The following SPTLC1 variants were observed in gnomAD, a reference collection of about 807,000 sequenced individuals.
SPTLC1 encodes the protein serine palmitoyltransferase 1.
In SPTLC1, 55 loss-of-function variants were observed where a neutral mutation model predicts 68.9. That is an observed-to-expected ratio of 0.80 (90% confidence interval 0.64 to 1.00). The LOEUF is 1.00. SPTLC1 is among the 50% of genes least tolerant of loss of function. The probability of loss-of-function intolerance (pLI) is 0.00; values close to 1 mark genes in which losing one functional copy is unlikely to be tolerated. For missense variants in SPTLC1, 449 were observed against 573.1 expected, an observed-to-expected ratio of 0.78 and a Z score of 2.21; for synonymous variants, 197 against 201.6, an observed-to-expected ratio of 0.98 and a Z score of 0.19.
rs922617056 is a variant in SPTLC1, at chr9:92,079,281, G to C, written c.427+735C>G. 2.4e-5 allele frequency: 18 copies of C among 746,432 alleles called. No homozygotes were observed. In the Admixed American group the frequency reaches 2.4e-4, roughly 10 times the overall value. The allele number at this position is 746,432 out of a possible 1,614,324, so 46.2% of individuals were successfully genotyped here. On this transcript the variant is annotated intron_variant, in intron 5 of 14. Transcript: ENST00000262554. Reference sequence around the variant, plus strand: ...AGTAGAGACGAGGTTTCAGCATGTTGGCCAGGCTGGTTTTGAACTCCTGAC... The same window carrying C: ...AGTAGAGACGAGGTTTCAGCATGTTCGCCAGGCTGGTTTTGAACTCCTGAC...
chr9:92,079,623 G>T, intron 5 of SPTLC1: 1 of 1,452,136 alleles, frequency 6.9e-7, no homozygotes, highest in Non-Finnish European at 9.7e-7. Flanking sequence ...CAGGCAATCT[G>T]CTCTCCACTT....
intron 3 of SPTLC1, chr9:92,104,620 G>C: frequency 6.7e-7 from 1 of 1,484,008 alleles, no homozygotes; most frequent in Middle Eastern, 1.7e-4. Flanking sequence ...TAGATGAGCA[G>C]GTGATCCCAG....
At chr9:92,114,822 T>G (rs918884638) in intron 1 of SPTLC1, 15 of 169,138 alleles carry the variant, frequency 8.9e-5, no homozygotes, top group Non-Finnish European at 1.7e-4. Context: ...CGCAGAAGAA[T>G]GACAAACTAT....
chr9:92,082,671 G>C (rs575663133), intron 3 of SPTLC1, among the ~76,000 whole-genome samples: 37 of 152,098 alleles, frequency 2.4e-4, no homozygotes, highest in Middle Eastern at 3.4e-3. Context: ...CCAAGTCTTT[G>C]CTATTGTGAA....
intron 6 of SPTLC1, among the ~76,000 whole-genome samples, chr9:92,059,748 C>G (rs191855547): frequency 7.4e-4 from 112 of 152,282 alleles, no homozygotes; most frequent in African/African-American, 2.6e-3. Context: ...AATGACTATT[C>G]TACTGTAGCC....
intron 1 of SPTLC1, among the ~76,000 whole-genome samples, 191 bp from the exon 2 acceptor site, chr9:92,112,753 G>A (rs1169659437): frequency 1.3e-5 from 2 of 152,032 alleles, no homozygotes; most frequent in African/African-American, 4.8e-5. Flanking sequence ...TCCCTCACAT[G>A]AAAAACCCCT....
At chr9:92,106,472 C>CA (rs34928872) in intron 3 of SPTLC1, among the ~76,000 whole-genome samples, 12,681 of 68,138 alleles carry the variant, frequency 0.19, 2,136 homozygotes, top group African/African-American at 0.47. Flanking sequence ...GACTCCGTCT[C>CA]AAAAAAAAAA....
chr9:92,054,919 A>G (rs1833832697), intron 8 of SPTLC1, among the ~76,000 whole-genome samples: 1 of 151,666 alleles, frequency 6.6e-6, no homozygotes, highest in African/African-American at 2.4e-5. Context: ...GCGGGGGAGA[A>G]AAAAAAAGCT....
chr9:92,061,724 CA>C (rs1253717630), intron 6 of SPTLC1, among the ~76,000 whole-genome samples: 2 of 151,774 alleles, frequency 1.3e-5, no homozygotes, highest in East Asian at 1.9e-4. Context: ...GTAAATGAGG[CA>C]AATAAAGGAA....
intron 3 of SPTLC1, among the ~76,000 whole-genome samples, chr9:92,087,629 C>T (rs565082992): frequency 4.4e-4 from 67 of 152,274 alleles, no homozygotes; most frequent in Middle Eastern, 3.4e-3. Flanking sequence ...AGTACCCAGC[C>T]GTGTGAGGTG....
chr9:92,115,208 T>C (rs1240905863), intron 1 of SPTLC1, 106 bp downstream of exon 1: 3 of 1,118,626 alleles, frequency 2.7e-6, no homozygotes, highest in Non-Finnish European at 4.0e-6. Flanking sequence ...AGTCTGGGCG[T>C]GACCGAGCCA....
intron 14 of SPTLC1, among the ~76,000 whole-genome samples, chr9:92,033,093 C>T (rs1404961472): frequency 2.0e-5 from 3 of 152,124 alleles, no homozygotes; most frequent in Non-Finnish European, 2.9e-5. Flanking sequence ...TGGGTTGCTG[C>T]GGCAGGGAAT....
chr9:92,055,549 C>CAGA (rs1246652556), intron 7 of SPTLC1, 55 bp from the exon 8 acceptor site: 4 of 1,536,898 alleles, frequency 2.6e-6, no homozygotes, highest in Non-Finnish European at 3.6e-6. Context: ...AAGACAAGAT[C>CAGA]TGTTACATAT....
At chr9:92,106,760 T>C (rs1461520879) in intron 3 of SPTLC1, among the ~76,000 whole-genome samples, 3 of 152,168 alleles carry the variant, frequency 2.0e-5, no homozygotes, top group Non-Finnish European at 2.9e-5. Flanking sequence ...TTCCACCTAA[T>C]GAGAAAGGAG....
At chr9:92,052,134 C>T (rs933958116) in intron 8 of SPTLC1, among the ~76,000 whole-genome samples, 1 of 152,148 alleles carries the variant, frequency 6.6e-6, no homozygotes, top group East Asian at 1.9e-4. Context: ...CCCCAAATAG[C>T]TAAAATAATT....
At chr9:92,112,362 C>T (rs1183486285) in intron 2 of SPTLC1, 93 bp downstream of exon 2, 5 of 879,282 alleles carry the variant, frequency 5.7e-6, no homozygotes, top group Non-Finnish European at 9.4e-6. Context: ...AATGCTTTAA[C>T]ACACATGGTT....
chr9:92,047,785 T>C (rs763251115), intron 9 of SPTLC1, 77 bp from the exon 10 acceptor site: 5 of 902,018 alleles, frequency 5.5e-6, no homozygotes, highest in South Asian at 2.8e-5. Flanking sequence ...AGAGACAAAA[T>C]TTAACAGCAT....
At chr9:92,088,553 A>G (rs1013852657) in intron 3 of SPTLC1, among the ~76,000 whole-genome samples, 1 of 152,246 alleles carries the variant, frequency 6.6e-6, no homozygotes, top group Non-Finnish European at 1.5e-5. Context: ...AAGATTAAAA[A>G]CAAAAAACAA....
At chr9:92,059,399 A>G (rs929005304) in intron 6 of SPTLC1, 91 bp from the exon 7 acceptor site, 8 of 1,318,968 alleles carry the variant, frequency 6.1e-6, no homozygotes, top group Non-Finnish European at 8.7e-6. Flanking sequence ...CTGACCAATC[A>G]CTGATTGTTA....
Sources: gnomAD v4.1 joint callset for allele counts (sites outside exome capture counted in the v4.1 genomes callset) on GRCh38, gnomAD v4.1.1 for gene constraint, MANE v1.5 for transcripts, NCBI Gene and HGNC (gene_info 2026-07-23, HGNC 2026-07-21) for gene names.